EHBP1: variants seen among roughly 807,000 people sequenced by gnomAD.
EHBP1 encodes the protein EH domain binding protein 1.
A neutral mutation model predicts 144.0 loss-of-function variants in EHBP1; 55 were observed. The ratio of observed to expected loss-of-function variants is 0.38; its 90% CI spans 0.31 to 0.48. The LOEUF (loss-of-function observed/expected upper bound fraction) is 0.48, where lower values mean the gene tolerates loss of function less well. Among genes scored for constraint, EHBP1 ranks in the 20% least tolerant of loss-of-function variants. EHBP1 has a pLI of 0.98. For missense variants in EHBP1, 1,200 were observed against 1,364.2 expected, an observed-to-expected ratio of 0.88 and a Z score of 1.90; for synonymous variants, 469 against 472.7, an observed-to-expected ratio of 0.99 and a Z score of 0.10.
intron 19 of EHBP1, among the ~76,000 whole-genome samples, chr2:63,033,618 G>A (rs1188036838): frequency 6.6e-6 from 1 of 152,108 alleles, no homozygotes; most frequent in Non-Finnish European, 1.5e-5. Context: ...AAAAGCTAAT[G>A]AGAAGACAGT....
At chr2:62,790,299 T>C (rs1447703269) in intron 5 of EHBP1, among the ~76,000 whole-genome samples, 1 of 152,190 alleles carries the variant, frequency 6.6e-6, no homozygotes, top group African/African-American at 2.4e-5. Context: ...TTTTGTTGTT[T>C]GTTTTGTTTT....
chr2:62,766,608 GC>G (rs2041208627), intron 4 of EHBP1, among the ~76,000 whole-genome samples: 1 of 152,016 alleles, frequency 6.6e-6, no homozygotes, highest in Non-Finnish European at 1.5e-5. Context: ...AGTTAAATGG[GC>G]ATGTAATGTG....
At chr2:62,980,818 A>AAT (rs776125046) in intron 15 of EHBP1, among the ~76,000 whole-genome samples, 323 of 146,648 alleles carry the variant, frequency 2.2e-3, no homozygotes, top group South Asian at 3.9e-3. Flanking sequence ...ATTGCTACCA[A>AAT]ATATATATAT....
chr2:62,701,656 A>G (rs903084531), upstream of EHBP1, among the ~76,000 whole-genome samples: 1 of 152,236 alleles, frequency 6.6e-6, no homozygotes, highest in Non-Finnish European at 1.5e-5. Context: ...CCATAGCAAG[A>G]AAGGAAATAT....
At chr2:63,039,280 A>C (rs371698024) in intron 21 of EHBP1, among the ~76,000 whole-genome samples, 1 of 152,150 alleles carries the variant, frequency 6.6e-6, no homozygotes, top group African/African-American at 2.4e-5. Context: ...TATTAAGTGA[A>C]TATCTGGGCA....
chr2:62,911,685 C>A (rs1418768195), intron 10 of EHBP1, among the ~76,000 whole-genome samples: 1 of 152,202 alleles, frequency 6.6e-6, no homozygotes, highest in Non-Finnish European at 1.5e-5. Flanking sequence ...TGGTCTCGAA[C>A]TCCTGACTTC....
chr2:62,981,069 CAAAAAAA>C (rs754301803), intron 15 of EHBP1, among the ~76,000 whole-genome samples: 26 of 48,292 alleles, frequency 5.4e-4, no homozygotes, highest in Non-Finnish European at 9.3e-4. Context: ...GATGCTGTCT[CAAAAAAA>C]AAAAAAAAAA....
intron 5 of EHBP1, chr2:62,772,222 GAGAA>G (rs1338044121): frequency 1.3e-5 from 2 of 151,090 alleles, no homozygotes; most frequent in African/African-American, 4.9e-5. Flanking sequence ...GAGAGAAGGA[GAGAA>G]AGAGAAGGAA....
At chr2:62,682,038 G>C (rs916107408) in intron 1 of EHBP1, among the ~76,000 whole-genome samples, 4 of 152,200 alleles carry the variant, frequency 2.6e-5, no homozygotes, top group Non-Finnish European at 4.4e-5. Flanking sequence ...CTGTGGCTCA[G>C]CACAAGGGAA....
intron 19 of EHBP1, among the ~76,000 whole-genome samples, chr2:63,015,978 A>T (rs938689027): frequency 2.6e-5 from 4 of 152,196 alleles, no homozygotes; most frequent in Non-Finnish European, 2.9e-5. Context: ...GAAACAAAAT[A>T]AATGAGGGAA....
At chr2:62,682,951 G>A (rs934663530) in intron 1 of EHBP1, among the ~76,000 whole-genome samples, 13 of 151,938 alleles carry the variant, frequency 8.6e-5, no homozygotes, top group South Asian at 2.1e-4. Context: ...ACTATTATAC[G>A]TTAAGCAAGA....
intron 5 of EHBP1, among the ~76,000 whole-genome samples, chr2:62,815,877 A>G (rs989762102): frequency 1.3e-5 from 2 of 152,226 alleles, no homozygotes; most frequent in Non-Finnish European, 2.9e-5. Flanking sequence ...CAGAGAATCA[A>G]TATTTTTCAA....
In EHBP1 at chr2:63,045,626, C is replaced by A; in HGVS notation, c.*126C>A. ...TTGGCTGGATTGTACTACTTTACCT[C>A]TACTTTACCACCACCACCCTTTTCC... On this transcript the variant is annotated 3_prime_UTR_variant, in exon 23 of 23. Coordinates refer to ENST00000431489, the MANE Select transcript of EHBP1 (RefSeq NM_001142616.3). The surrounding 1 kb of genome is among the most constrained non-coding windows in gnomAD (Gnocchi z 5.7). 1 of 714,992 alleles carries A rather than the reference C, an allele frequency of 1.4e-6. No homozygotes were observed. Among genetic ancestry groups the A allele is most frequent in the Non-Finnish European group, 2.3e-6 (1 of 426,756 alleles). 44.3% of individuals were successfully genotyped at this position (714,992 alleles called of 1,614,324 possible).
intron 19 of EHBP1, among the ~76,000 whole-genome samples, chr2:63,014,210 G>A (rs1181953866): frequency 6.6e-6 from 1 of 152,190 alleles, no homozygotes; most frequent in African/African-American, 2.4e-5. Context: ...TGTTTCACAT[G>A]TAAAGCAAAA....
At chr2:62,724,849 AT>A (rs2036592470) in intron 2 of EHBP1, among the ~76,000 whole-genome samples, 1 of 152,142 alleles carries the variant, frequency 6.6e-6, no homozygotes, top group Non-Finnish European at 1.5e-5. Flanking sequence ...AGGAGCACAA[AT>A]GCTATTGTGT....
chr2:62,965,886 T>C (rs939953369), intron 14 of EHBP1, among the ~76,000 whole-genome samples: 1 of 152,222 alleles, frequency 6.6e-6, no homozygotes, highest in African/African-American at 2.4e-5. Context: ...TTCCTGGCTC[T>C]CTTTCCCTAT....
chr2:63,035,324 T>C (rs2061407722), intron 19 of EHBP1, among the ~76,000 whole-genome samples: 1 of 152,062 alleles, frequency 6.6e-6, no homozygotes, highest in South Asian at 2.1e-4. Context: ...AAGCAATGAG[T>C]AATGTGTCCT....
At chr2:62,948,191 G>C in intron 12 of EHBP1, 69 bp from the exon 13 acceptor site, 1 of 1,351,560 alleles carries the variant, frequency 7.4e-7, no homozygotes, top group South Asian at 1.8e-5. Context: ...AATTAAAAAT[G>C]TGCTCTTTTT....
At chr2:62,993,760 C>CAT (rs996435459) in intron 17 of EHBP1, 92 bp downstream of exon 17, 31 of 681,920 alleles carry the variant, frequency 4.5e-5, no homozygotes, top group East Asian at 1.1e-4. Context: ...ATATATATAG[C>CAT]ATATATATAT....
Sources: gnomAD v4.1 joint callset for allele counts (sites outside exome capture counted in the v4.1 genomes callset) on GRCh38, gnomAD v4.1.1 for gene constraint, Gnocchi (gnomAD v3.1) non-coding constraint, MANE v1.5 for transcripts, NCBI Gene and HGNC (gene_info 2026-07-23, HGNC 2026-07-21) for gene names.